Variants in REDIC1 observed in about 807,000 individuals in gnomAD.
REDIC1 encodes the protein HEI10 Interacting Protein 1.
At chr12:39,829,806 G>A in the REDIC1 span, 1 of 351,806 alleles carries the variant, frequency 2.8e-6, no homozygotes, top group Admixed American at 3.9e-5. Flanking sequence ...ATATGCAGTG[G>A]GAGAAATTGC....
the REDIC1 span, among the ~76,000 whole-genome samples, chr12:39,766,785 C>T: frequency 6.6e-6 from 1 of 152,020 alleles, no homozygotes; most frequent in African/African-American, 2.4e-5. Flanking sequence ...TTTCTTTGTT[C>T]CTCCTTAAGA....
the REDIC1 span, chr12:39,682,644 T>C: frequency 6.2e-7 from 1 of 1,601,982 alleles, no homozygotes; most frequent in Non-Finnish European, 8.5e-7. Context: ...CTAAAAGCCC[T>C]GCTGTAATTA....
the REDIC1 span, among the ~76,000 whole-genome samples, chr12:39,645,231 C>T: frequency 5.9e-5 from 9 of 151,930 alleles, no homozygotes; most frequent in Non-Finnish European, 1.3e-4. Context: ...GGCCTGAACT[C>T]CTGCACTTTC....
chr12:39,870,410 A>G, the REDIC1 span, among the ~76,000 whole-genome samples: 2 of 152,212 alleles, frequency 1.3e-5, no homozygotes, highest in Non-Finnish European at 1.5e-5. Flanking sequence ...AGAGTTTACT[A>G]TCCTAATGAT....
chr12:39,859,081 T>TC, the REDIC1 span, among the ~76,000 whole-genome samples: 1 of 152,070 alleles, frequency 6.6e-6, no homozygotes, highest in African/African-American at 2.4e-5. Flanking sequence ...AAGGGACTAA[T>TC]TTATGAGGGG....
At chr12:39,744,593 A>G in the REDIC1 span, among the ~76,000 whole-genome samples, 1 of 152,200 alleles carries the variant, frequency 6.6e-6, no homozygotes, top group African/African-American at 2.4e-5. Flanking sequence ...ACAAAGGGCT[A>G]TAGTGTTTTC....
the REDIC1 span, among the ~76,000 whole-genome samples, chr12:39,661,495 G>T: frequency 1.3e-5 from 2 of 151,580 alleles, no homozygotes; most frequent in African/African-American, 4.8e-5. Context: ...ACTTTTTAAC[G>T]GGTTGTTTGT....
the REDIC1 span, among the ~76,000 whole-genome samples, chr12:39,718,606 C>G: frequency 4.6e-5 from 7 of 152,116 alleles, no homozygotes; most frequent in African/African-American, 1.7e-4. Context: ...TAAAGTTAGC[C>G]TATCCCATCC....
the REDIC1 span, among the ~76,000 whole-genome samples, chr12:39,858,178 AT>A: frequency 6.6e-6 from 1 of 152,228 alleles, no homozygotes; most frequent in Non-Finnish European, 1.5e-5. Context: ...CACACTGGGT[AT>A]TTATTTAAGT....
At chr12:39,716,368 A>C in the REDIC1 span, among the ~76,000 whole-genome samples, 1 of 152,086 alleles carries the variant, frequency 6.6e-6, no homozygotes, top group Non-Finnish European at 1.5e-5. Context: ...TTCATTTACT[A>C]GATTGGCAAA....
the REDIC1 span, among the ~76,000 whole-genome samples, chr12:39,743,727 A>G: frequency 6.6e-6 from 1 of 152,230 alleles, no homozygotes; most frequent in East Asian, 1.9e-4. Flanking sequence ...GACTGGACGC[A>G]GCTCAGGAAA....
chr12:39,753,665 GC>G, the REDIC1 span, among the ~76,000 whole-genome samples: 1 of 152,162 alleles, frequency 6.6e-6, no homozygotes, highest in Non-Finnish European at 1.5e-5. Context: ...TAAGCAAATT[GC>G]CTGTGCTTTG....
At chr12:39,853,479 G>C in the REDIC1 span, among the ~76,000 whole-genome samples, 1 of 152,034 alleles carries the variant, frequency 6.6e-6, no homozygotes, top group East Asian at 1.9e-4. Context: ...AGGTCTTAAA[G>C]CAGGGATTTG....
chr12:39,744,270 A>C, the REDIC1 span, among the ~76,000 whole-genome samples: 2 of 152,224 alleles, frequency 1.3e-5, no homozygotes, highest in Non-Finnish European at 2.9e-5. Flanking sequence ...GGACTTTTTC[A>C]GACAAAAATT....
At chr12:39,701,154 G>C in the REDIC1 span, among the ~76,000 whole-genome samples, 1 of 152,126 alleles carries the variant, frequency 6.6e-6, no homozygotes, top group Admixed American at 6.5e-5. Context: ...ATTGGATAAA[G>C]AGTCAAGACC....
chr12:39,747,782 TAAAG>T, the REDIC1 span, among the ~76,000 whole-genome samples: 5 of 152,162 alleles, frequency 3.3e-5, no homozygotes, highest in African/African-American at 1.2e-4. Flanking sequence ...TCAACATTCT[TAAAG>T]AAAAGAATTT....
chr12:39,849,386 C>T, the REDIC1 span, among the ~76,000 whole-genome samples: 2 of 152,034 alleles, frequency 1.3e-5, no homozygotes, highest in African/African-American at 4.8e-5. Context: ...TGCTTCATCC[C>T]ATTAATCTCA....
the REDIC1 span, among the ~76,000 whole-genome samples, chr12:39,800,403 A>C: frequency 1.3e-5 from 2 of 151,114 alleles, no homozygotes; most frequent in Non-Finnish European, 2.9e-5. Context: ...TTACAAGAAA[A>C]AAACAAACAA....
the REDIC1 span, among the ~76,000 whole-genome samples, chr12:39,648,917 C>T: frequency 6.6e-6 from 1 of 151,398 alleles, no homozygotes; most frequent in African/African-American, 2.4e-5. Context: ...TATTACATTC[C>T]TGTGACCCAT....
Sources: gnomAD v4.1 joint callset for allele counts (sites outside exome capture counted in the v4.1 genomes callset) on GRCh38, gnomAD v4.1.1 for gene constraint, MANE v1.5 for transcripts, NCBI Gene and HGNC (gene_info 2026-07-23, HGNC 2026-07-21) for gene names.